The following IDUA variants were observed in gnomAD, a reference collection of about 807,000 sequenced individuals.
IDUA encodes alpha-L-iduronidase, also known as iduronidase alpha-L-.
IDUA carries 65 observed loss-of-function variants against 68.9 expected under a neutral mutation model. That is an observed-to-expected ratio of 0.94 (90% confidence interval 0.77 to 1.16). IDUA has a LOEUF of 1.16. Ranked by LOEUF, IDUA falls within the 50% of genes most tolerant of loss-of-function variation. IDUA has a pLI of 0.00. For missense variants in IDUA, 1,046 were observed against 938.0 expected (o/e 1.12, Z -1.50); for synonymous variants, 529 against 433.6 (o/e 1.22, Z -2.73).
chr4:987,725 C>G lies in IDUA; in HGVS notation c.159-84C>G, dbSNP rs534171149. 5.5e-5 allele frequency: 88 copies of G among 1,589,310 alleles called. No homozygotes were observed. The Middle Eastern group carries it at 9.9e-4, about 18-fold the overall frequency. On this transcript the variant is annotated intron_variant, in intron 1 of 13. Transcript: ENST00000514224. The stretch of plus-strand genomic sequence containing the variant: ...GCAGCGCCTGGATCCTGCGCCCGGG[C>G]AGTCCTGGGCTTGAACGTGTGTGTC...
Position 989,545 on chromosome 4 carries a change from C to T in IDUA, c.299+1596C>T, listed in dbSNP as rs757960404. 2.4e-5 allele frequency: 37 copies of T among 1,569,566 alleles called. No homozygotes were observed. Among genetic ancestry groups the T allele is most frequent in the East Asian group, 1.6e-4 (7 of 42,810 alleles). On this transcript the variant is annotated intron_variant, in intron 2 of 13. Transcript: ENST00000514224. ...GACCAGCGCGTCAGCCGGGCTCATC[C>T]GCCACAGCCGCGGGAGGTCCCACAC...
intron 2 of IDUA, among the ~76,000 whole-genome samples, chr4:995,048 T>C (rs1274013803): frequency 6.9e-6 from 1 of 145,538 alleles, no homozygotes; most frequent in Non-Finnish European, 1.5e-5. Context: ...CTACAAGTCT[T>C]TTTTTTTTTT....
chr4:992,358 G>A (rs1714432081), intron 2 of IDUA: 1 of 370,104 alleles, frequency 2.7e-6, no homozygotes, highest in Non-Finnish European at 5.5e-6. Flanking sequence ...TGGGTCCTGG[G>A]GCTGGCGGAA....
rs769929839 is a variant in IDUA, at chr4:989,035, C to T, written c.299+1086C>T. On this transcript the variant is annotated intron_variant, in intron 2 of 13. Transcript: ENST00000514224. ...GCTGATGCCCAGGGCCCCGTAGTCTCGGCGCAGGTCCTGCAGCGTGCTCAC... is the reference window on the plus strand; with the variant it reads ...GCTGATGCCCAGGGCCCCGTAGTCTTGGCGCAGGTCCTGCAGCGTGCTCAC... 11 of 1,580,846 alleles carry T rather than the reference C, an allele frequency of 7.0e-6. No individual in the cohort carries two copies. Among genetic ancestry groups the T allele is most frequent in the African/African-American group, 2.7e-5 (2 of 74,014 alleles).
chr4:992,606 G>T, intron 2 of IDUA: 11 of 191,942 alleles, frequency 5.7e-5, no homozygotes, highest in Non-Finnish European at 8.6e-5. Flanking sequence ...TTTTTCCCAG[G>T]CTGCACCAGC....
intron 2 of IDUA, among the ~76,000 whole-genome samples, chr4:994,644 A>G (rs888099611): frequency 6.6e-6 from 1 of 152,018 alleles, no homozygotes; most frequent in East Asian, 1.9e-4. Flanking sequence ...TCACCATGTT[A>G]GCCAGGATGG....
rs753180581 is a variant in IDUA, at chr4:1,004,298, C to G, written c.1867C>G (p.Leu623Val). 2.5e-6 allele frequency: 4 copies of G among 1,611,286 alleles called. No homozygotes were observed. Among genetic ancestry groups the G allele is most frequent in the Non-Finnish European group, 2.5e-6 (3 of 1,179,962 alleles). ...AVSGSYRVRA[L>V]DYWARPGPFS... is the part of the protein sequence containing the mutation. ...CTCTGGCTCCTACCGAGTTCGAGCC[C>G]TGGACTACTGGGCCCGACCAGGCCC... The change falls in exon 14 of 14, where the codon CTG (leucine) becomes GTG (valine). Residue 623 changes from leucine to valine, a missense_variant. Physicochemically the swap from Leu to Val is conservative, Grantham distance 32. Coordinates refer to ENST00000514224, the MANE Select transcript of IDUA (RefSeq NM_000203.5). This position sits in a 1 kb window ranked among gnomAD's most constrained non-coding sequence, Gnocchi z 5.0.
intron 2 of IDUA, chr4:990,217 C>G: frequency 6.4e-7 from 1 of 1,566,246 alleles, no homozygotes; most frequent in Non-Finnish European, 8.6e-7. Flanking sequence ...CATGCCGGGC[C>G]CCTGGTGCCG....
intron 2 of IDUA, chr4:992,249 T>C: frequency 2.2e-6 from 1 of 456,296 alleles, no homozygotes; most frequent in South Asian, 1.6e-5. Flanking sequence ...ACGGTCCTGC[T>C]GTCCACCCCA....
chr4:1,001,655 A>T (rs1261831639), intron 5 of IDUA, 24 bp from the exon 6 acceptor site: 10 of 1,604,988 alleles, frequency 6.2e-6, no homozygotes, highest in Non-Finnish European at 8.5e-6. Flanking sequence ...GGGCAGGTGT[A>T]GACGCAGTGC....
In IDUA at chr4:1,002,930, T is replaced by A; in HGVS notation, c.1388T>A (p.Val463Glu). Residue 463 changes from valine to glutamate, a missense_variant, in exon 9 of 14, where the codon GTG becomes GAG. Physicochemically the swap from Val to Glu is moderately radical, Grantham distance 121. Coordinates refer to ENST00000514224, the MANE Select transcript of IDUA (RefSeq NM_000203.5). ...GCGGTGACCCTGCGGCTGCGCGGGG[T>A]GCCCCCCGGCCCGGGTAAGCCGGGG... is the stretch of plus-strand genomic sequence containing the variant. ...SVAVTLRLRG[V>E]PPGPGLVYVT... is the part of the protein sequence containing the mutation. The A allele has an allele frequency of 7.4e-7, 1 of 1,359,624 alleles. No individual in the cohort carries two copies. Among genetic ancestry groups the A allele is most frequent in the South Asian group, 1.8e-5 (1 of 55,836 alleles). 84.2% of individuals were successfully genotyped at this position (1,359,624 alleles called of 1,614,324 possible).
intron 2 of IDUA, among the ~76,000 whole-genome samples, chr4:995,834 C>A (rs1714714156): frequency 6.6e-6 from 1 of 152,190 alleles, no homozygotes; most frequent in Non-Finnish European, 1.5e-5. Flanking sequence ...GGCTGCAGTG[C>A]CCCCATTTGG....
In IDUA at chr4:990,092, G is replaced by A. The variant is rs768886169; in HGVS notation, c.299+2143G>A. On this transcript the variant is annotated intron_variant, in intron 2 of 13. Coordinates refer to ENST00000514224, the MANE Select transcript of IDUA (RefSeq NM_000203.5). Reference sequence around the variant, plus strand: ...GGCACCCTCAGGCGGTGTCGGTAGCGGTCTGAGAGCTCCTTCGCGGCTAGC... The same window carrying A: ...GGCACCCTCAGGCGGTGTCGGTAGCAGTCTGAGAGCTCCTTCGCGGCTAGC... 2.7e-5 allele frequency: 43 copies of A among 1,596,770 alleles called. No individual in the cohort carries two copies. In the Middle Eastern group the frequency reaches 4.9e-4, roughly 18 times the overall value.
intron 2 of IDUA, chr4:991,610 T>G (rs750104245): frequency 6.3e-7 from 1 of 1,592,306 alleles, no homozygotes; most frequent in South Asian, 1.1e-5. Context: ...AGCCTGGCCT[T>G]CAGCATCTCA....
In IDUA at chr4:1,002,370, C is replaced by T. The variant is rs1171720920; in HGVS notation, c.1074C>T (p.His358=). ...ATGCCTTCCTGAGCTACCACCCGCA[C>T]CCCTTCGCGCAGCGCACGCTCACCG... ...NDNAFLSYHP[H]PFAQRTLTAR... The change falls in exon 8 of 14, where the codon CAC becomes CAT. Residue 358 remains histidine (H), a synonymous_variant. Transcript: ENST00000514224. 2 of 1,612,350 alleles carry T rather than the reference C, an allele frequency of 1.2e-6. No individual in the cohort carries two copies. Among genetic ancestry groups the T allele is most frequent in the Admixed American group, 1.7e-5 (1 of 59,918 alleles).
chr4:991,866 T>A lies in IDUA; in HGVS notation c.299+3917T>A, dbSNP rs774123312. The A allele has an allele frequency of 3.3e-6, 5 of 1,494,280 alleles. No individual in the cohort carries two copies. The South Asian group carries it at 6.1e-5, about 18-fold the overall frequency. The allele number at this position is 1,494,280 out of a possible 1,614,324, so 92.6% of individuals were successfully genotyped here. A position where few individuals can be genotyped will look rare whatever the true frequency, so the allele number is the denominator to read the frequency against. On this transcript the variant is annotated intron_variant, in intron 2 of 13. Coordinates refer to ENST00000514224, the MANE Select transcript of IDUA (RefSeq NM_000203.5). ...CGGGGATTGGTGCTGGGCCTTCTCCTGGCAGCGCGGGCCCCAGCCCCCTGC... is the reference window on the plus strand; with the variant it reads ...CGGGGATTGGTGCTGGGCCTTCTCCAGGCAGCGCGGGCCCCAGCCCCCTGC...
chr4:993,780 C>G (rs560903839), intron 2 of IDUA, among the ~76,000 whole-genome samples: 1 of 152,208 alleles, frequency 6.6e-6, no homozygotes, highest in Non-Finnish European at 1.5e-5. Flanking sequence ...CGCCGGACAC[C>G]CTCCTGGTCC....
In IDUA at chr4:1,001,878, G is replaced by A. The variant is rs1191147769; in HGVS notation, c.789G>A (p.Arg263=). 1.3e-6 allele frequency: 2 copies of A among 1,582,930 alleles called. No individual in the cohort carries two copies. The highest frequency in any genetic ancestry group is 1.1e-5 in the South Asian group (1 of 87,314). ...GGCTGGACTACATCTCCCTCCACAG[G>A]AAGGTGCGCCCTGCCCCTCCGTCCG... is the stretch of plus-strand genomic sequence containing the variant. ...GVRLDYISLH[R]KGARSSISIL... The change falls in exon 6 of 14, where the codon AGG becomes AGA. Residue 263 remains arginine (R), a synonymous_variant. Coordinates refer to ENST00000514224, the MANE Select transcript of IDUA (RefSeq NM_000203.5).
rs777205197 is a variant in IDUA at position 991,421 on chromosome 4, C to A, written c.299+3472C>A. On this transcript the variant is annotated intron_variant, in intron 2 of 13. Coordinates refer to ENST00000514224, the MANE Select transcript of IDUA (RefSeq NM_000203.5). ...TAGAGGCTGTAGATGGGCTGCAGCC[C>A]GGCCAGCAATGAGTAGGCGATGGCC... 3 of 1,612,810 alleles carry A rather than the reference C, an allele frequency of 1.9e-6. No individual in the cohort carries two copies. Among genetic ancestry groups the A allele is most frequent in the Non-Finnish European group, 2.5e-6 (3 of 1,179,952 alleles).
Sources: allele counts gnomAD v4.1 joint callset (sites outside exome capture counted in the v4.1 genomes callset), GRCh38; gene constraint gnomAD v4.1.1; non-coding constraint Gnocchi (gnomAD v3.1); transcripts MANE v1.5; gene names NCBI Gene and HGNC (gene_info 2026-07-23, HGNC 2026-07-21).